Variants in HPRT1 observed in about 807,000 individuals in gnomAD.
The protein encoded by HPRT1 is hypoxanthine-guanine phosphoribosyltransferase.
Under a neutral mutation model 19.0 loss-of-function variants are expected in HPRT1, and 4 were observed. The observed-to-expected ratio is 0.21, with a 90% CI of 0.10 to 0.48. HPRT1 has a LOEUF of 0.48. HPRT1 is among the 20% of genes least tolerant of loss of function. HPRT1 has a pLI of 0.98. For missense variants in HPRT1, 65 were observed against 164.0 expected (o/e 0.40, Z 3.30); for synonymous variants, 53 against 54.9 (o/e 0.97, Z 0.15).
At chrX:134,493,277 A>G (rs1425904411) in intron 5 of HPRT1, among the ~76,000 whole-genome samples, 1 of 111,491 alleles carries the variant, frequency 9.0e-6, no homozygotes, top group East Asian at 2.8e-4. Flanking sequence ...GCATGTATAT[A>G]TTCAAATTTG....
chrX:134,490,227 A>G, intron 5 of HPRT1, 22 bp downstream of exon 5: 1 of 948,296 alleles, frequency 1.1e-6, no homozygotes, highest in Non-Finnish European at 1.5e-6. Flanking sequence ...TTTACTTTTA[A>G]TATAACATTT....
intron 4 of HPRT1, among the ~76,000 whole-genome samples, chrX:134,487,995 C>T (rs1008414544): frequency 1.8e-5 from 2 of 111,044 alleles, no homozygotes; most frequent in African/African-American, 6.6e-5. Context: ...TGAAACAGTT[C>T]TCTGTTTCTA....
chrX:134,487,008 A>G (rs1410887191), intron 4 of HPRT1, among the ~76,000 whole-genome samples: 1 of 110,973 alleles, frequency 9.0e-6, no homozygotes, highest in South Asian at 3.8e-4. Flanking sequence ...TCTGTGTCCC[A>G]TATGTGATTA....
At chrX:134,472,504 A>G (rs2077612740) in intron 1 of HPRT1, among the ~76,000 whole-genome samples, 1 of 111,953 alleles carries the variant, frequency 8.9e-6, no homozygotes, top group South Asian at 3.7e-4. Flanking sequence ...TCCATATCTT[A>G]TCACTTTACT....
intron 4 of HPRT1, among the ~76,000 whole-genome samples, chrX:134,487,537 G>A (rs1379607955): frequency 9.0e-6 from 1 of 111,601 alleles, no homozygotes; most frequent in African/African-American, 3.3e-5. Flanking sequence ...ACTTAATAAG[G>A]TTAAAAGACT....
intron 5 of HPRT1, among the ~76,000 whole-genome samples, chrX:134,490,756 C>T (rs948298360): frequency 9.3e-6 from 1 of 107,969 alleles, no homozygotes; most frequent in Non-Finnish European, 1.9e-5. Context: ...AAGAACCTAC[C>T]GAATCAAAAT....
chrX:134,474,220 A>G (rs984352822), intron 2 of HPRT1, among the ~76,000 whole-genome samples: 2 of 111,498 alleles, frequency 1.8e-5, no homozygotes, highest in African/African-American at 6.5e-5. Flanking sequence ...GATAGACACT[A>G]TTTTGTTCTT....
Position 134,498,666 on chromosome X carries a change from A to G in HPRT1, c.591A>G (p.Glu197=). 3.4e-6 allele frequency: 4 copies of G among 1,164,536 alleles called. No homozygotes were observed. Among genetic ancestry groups the G allele is most frequent in the Non-Finnish European group, 4.7e-6 (4 of 852,291 alleles). The change falls in exon 8 of 9, where the codon GAA becomes GAG. Residue 197 remains glutamate (E), a synonymous_variant. Coordinates refer to ENST00000298556, the MANE Select transcript of HPRT1 (RefSeq NM_000194.3). The part of the protein sequence containing the change: ...FVVGYALDYN[E]YFRDLNHVCV... The stretch of plus-strand genomic sequence containing the variant: ...TAGGATATGCCCTTGACTATAATGA[A>G]TACTTCAGGGATTTGAATGTAAGTA...
chrX:134,484,424 T>G (rs2077647354), intron 3 of HPRT1, among the ~76,000 whole-genome samples: 2 of 112,105 alleles, frequency 1.8e-5, no homozygotes, highest in Non-Finnish European at 3.8e-5. Flanking sequence ...AGAAGTAATA[T>G]GCAAAGGTTG....
At chrX:134,490,689 T>C (rs1262916252) in intron 5 of HPRT1, among the ~76,000 whole-genome samples, 2 of 107,673 alleles carry the variant, frequency 1.9e-5, no homozygotes, top group Non-Finnish European at 3.8e-5. Flanking sequence ...CTTTACTTCC[T>C]TTAGCTCAGT....
chrX:134,464,734 C>T (rs1263080730), intron 1 of HPRT1, among the ~76,000 whole-genome samples: 2 of 110,048 alleles, frequency 1.8e-5, no homozygotes, highest in African/African-American at 6.6e-5. Flanking sequence ...GGCACCACCA[C>T]GCCCAGCTAA....
At chrX:134,488,624 A>G (rs1425857078) in intron 4 of HPRT1, among the ~76,000 whole-genome samples, 1 of 111,461 alleles carries the variant, frequency 9.0e-6, no homozygotes, top group Non-Finnish European at 1.9e-5. Context: ...TTTCTCATTT[A>G]TTAAGTAGAG....
intron 1 of HPRT1, among the ~76,000 whole-genome samples, 195 bp from the exon 2 acceptor site, chrX:134,473,163 TA>T (rs2077615039): frequency 8.9e-6 from 1 of 112,298 alleles, no homozygotes. Flanking sequence ...GTGCTGGGAT[TA>T]CACGTGTGAA....
At position 134,475,380 on chromosome X, in the gene HPRT1, A is replaced by G. The variant is rs771055526; in HGVS notation, c.318+16A>G. 3 of 1,046,857 alleles carry G rather than the reference A, an allele frequency of 2.9e-6. No individual in the cohort carries two copies. The East Asian group carries it at 9.1e-5, about 32-fold the overall frequency. 86.3% of individuals were successfully genotyped at this position (1,046,857 alleles called of 1,213,427 possible). ...GAGCTATTGTGTGAGTATATTTAAT[A>G]TATGATTCTTTTTAGTGGCAACAGT... On this transcript the variant is annotated intron_variant, in intron 3 of 8. Transcript: ENST00000298556.
At chrX:134,485,781 T>C (rs977554684) in intron 3 of HPRT1, among the ~76,000 whole-genome samples, 2 of 111,943 alleles carry the variant, frequency 1.8e-5, no homozygotes, top group African/African-American at 6.5e-5. Flanking sequence ...TTCACCCAAA[T>C]TTTCTGTCCT....
intron 1 of HPRT1, among the ~76,000 whole-genome samples, chrX:134,469,987 T>C (rs187571247): frequency 3.5e-5 from 4 of 113,006 alleles, no homozygotes; most frequent in South Asian, 7.2e-4. Flanking sequence ...GACACACAAA[T>C]GTCCCATTTT....
rs767852038 is a variant in HPRT1, at chrX:134,469,420, C to CT, written c.28-3938dup. 3.6e-5 allele frequency among the ~76,000 whole-genome samples: 4 copies of CT among 111,178 alleles called. No individual in the cohort carries two copies. In the South Asian group the frequency reaches 1.5e-3, roughly 42 times the overall value. ...CTTGACATAAGTATGGTATGTAAAT[C>CT]TGTTTTGATTGGAAATCAATTTGTT... On this transcript the variant is annotated intron_variant, in intron 1 of 8. Transcript: ENST00000298556.
At chrX:134,483,896 A>G (rs2077646013) in intron 3 of HPRT1, among the ~76,000 whole-genome samples, 2 of 112,202 alleles carry the variant, frequency 1.8e-5, no homozygotes, top group Non-Finnish European at 3.8e-5. Context: ...ATAGCCAGGT[A>G]TGGTGACTCA....
intron 5 of HPRT1, among the ~76,000 whole-genome samples, chrX:134,491,663 C>G (rs749456496): frequency 2.7e-5 from 3 of 110,191 alleles, no homozygotes; most frequent in Non-Finnish European, 5.7e-5. Context: ...CCAGCTCAAA[C>G]GTCACCTCCA....
Sources: gnomAD v4.1 joint callset for allele counts (sites outside exome capture counted in the v4.1 genomes callset) on GRCh38, gnomAD v4.1.1 for gene constraint, MANE v1.5 for transcripts, NCBI Gene and HGNC (gene_info 2026-07-23, HGNC 2026-07-21) for gene names.